PRPSAP1: variants seen among roughly 807,000 people sequenced by gnomAD.
The protein encoded by PRPSAP1 is phosphoribosyl pyrophosphate synthetase associated protein 1, also known as phosphoribosyl pyrophosphate synthase-associated protein 1.
A neutral mutation model predicts 39.4 loss-of-function variants in PRPSAP1; 31 were observed. The ratio of observed to expected loss-of-function variants is 0.79; its 90% CI spans 0.59 to 1.06. The LOEUF (loss-of-function observed/expected upper bound fraction) is 1.06, where lower values mean the gene tolerates loss of function less well. Among genes scored for constraint, PRPSAP1 ranks in the 50% least tolerant of loss-of-function variants. The pLI is 0.00. For missense variants in PRPSAP1, 430 were observed against 511.6 expected, an observed-to-expected ratio of 0.84 and a Z score of 1.54; for synonymous variants, 212 against 192.6, an observed-to-expected ratio of 1.10 and a Z score of -0.83.
In PRPSAP1 at chr17:76,319,657, C is replaced by CG. The variant is rs756366460; in HGVS notation, c.782-5767dup. Reference sequence around the variant, plus strand: ...CTAATTTTTGTAATTTTAGTAGAGACGGGGTTTCACCGTGTTGGCCAGGCT... The same window carrying CG: ...CTAATTTTTGTAATTTTAGTAGAGACGGGGGTTTCACCGTGTTGGCCAGGCT... On this transcript the variant is annotated intron_variant, in intron 7 of 9. Transcript: ENST00000446526. Among the ~76,000 whole-genome samples, 4 of 151,856 alleles carry CG rather than the reference C, an allele frequency of 2.6e-5. No homozygotes were observed. The East Asian group carries it at 7.9e-4, about 30-fold the overall frequency.
chr17:76,334,227 C>T (rs1024443786), intron 3 of PRPSAP1, among the ~76,000 whole-genome samples: 4 of 152,212 alleles, frequency 2.6e-5, no homozygotes, highest in East Asian at 3.8e-4. Flanking sequence ...CCCTTCCCCA[C>T]GTCATCAGTT....
At position 76,320,121 on chromosome 17, in the gene PRPSAP1, T is replaced by G. The variant is rs1056558832; in HGVS notation, c.782-6230A>C. On this transcript the variant is annotated intron_variant, in intron 7 of 9. Coordinates refer to ENST00000446526, the MANE Select transcript of PRPSAP1 (RefSeq NM_002766.3). ...CCTGTCTCTACTAAAAAAGCAAAAA[T>G]TAGCCGGGTGTGGTGGTGCATGCCT... Among the ~76,000 whole-genome samples the G allele has an allele frequency of 5.9e-5, 9 of 151,594 alleles. No individual in the cohort carries two copies. The East Asian group carries it at 1.7e-3, about 29-fold the overall frequency.
chr17:76,348,472 C>A, intron 2 of PRPSAP1, 57 bp downstream of exon 2: 1 of 1,176,236 alleles, frequency 8.5e-7, no homozygotes. Flanking sequence ...GGCTCTGTCT[C>A]AAAAAAACTA....
intron 6 of PRPSAP1, 134 bp downstream of exon 6, chr17:76,329,909 C>G: frequency 1.3e-6 from 1 of 747,866 alleles, no homozygotes; most frequent in Non-Finnish European, 2.3e-6. Context: ...TGGGACATGA[C>G]AACGATGGAG....
At chr17:76,332,959 C>A (rs1041587409) in intron 3 of PRPSAP1, among the ~76,000 whole-genome samples, 1 of 151,012 alleles carries the variant, frequency 6.6e-6, no homozygotes, top group Non-Finnish European at 1.5e-5. Context: ...GGCGCGATCT[C>A]AGCTCACTGC....
intron 3 of PRPSAP1, among the ~76,000 whole-genome samples, chr17:76,341,055 A>G (rs1346774484): frequency 6.6e-6 from 1 of 151,964 alleles, no homozygotes. Context: ...TGACTCATAG[A>G]TGATCCCTAA....
At chr17:76,324,388 C>G (rs560857130) in intron 7 of PRPSAP1, among the ~76,000 whole-genome samples, 9 of 151,642 alleles carry the variant, frequency 5.9e-5, no homozygotes, top group Non-Finnish European at 1.3e-4. Flanking sequence ...CATCTGAGGT[C>G]AGGAGTTCCA....
rs4789279 is a variant in PRPSAP1 at position 76,327,806 on chromosome 17, G to A, written c.781+911C>T. On this transcript the variant is annotated intron_variant, in intron 7 of 9. Coordinates refer to ENST00000446526, the MANE Select transcript of PRPSAP1 (RefSeq NM_002766.3). ...ACTGAAGCTAAAATTATCAAACACC[G>A]TCTGAATGCTGAGTGCTACGCAGAA... Among the ~76,000 whole-genome samples, 397 of 152,198 alleles carry A rather than the reference G, an allele frequency of 2.6e-3. 12 individuals are homozygous for A. Among genetic ancestry groups the A allele is most frequent in the Admixed American group, 0.024 (359 of 15,272 alleles).
At chr17:76,328,565 C>T (rs977634933) in intron 7 of PRPSAP1, 152 bp downstream of exon 7, 16 of 978,928 alleles carry the variant, frequency 1.6e-5, no homozygotes, top group Non-Finnish European at 2.2e-5. Context: ...GCCAAGATCA[C>T]GCCACTGCAC....
At chr17:76,343,725 C>T (rs1277404161) in intron 3 of PRPSAP1, among the ~76,000 whole-genome samples, 2 of 152,004 alleles carry the variant, frequency 1.3e-5, no homozygotes, top group African/African-American at 2.4e-5. Flanking sequence ...ATCCCACCTA[C>T]TAGGGAGGCT....
chr17:76,322,420 A>T lies in PRPSAP1; in HGVS notation c.781+6297T>A, dbSNP rs140143971. The stretch of plus-strand genomic sequence containing the variant: ...CAAAAAAATATATTTATCAAACAAC[A>T]GTCTTTCGACAGCTCTGATGGAGAT... On this transcript the variant is annotated intron_variant, in intron 7 of 9. Transcript: ENST00000446526. Among the ~76,000 whole-genome samples the T allele has an allele frequency of 2.0e-5, 3 of 152,230 alleles. No individual in the cohort carries two copies. The East Asian group carries it at 5.8e-4, about 29-fold the overall frequency.
intron 1 of PRPSAP1, among the ~76,000 whole-genome samples, chr17:76,350,994 T>C (rs927653366): frequency 5.9e-5 from 9 of 152,042 alleles, no homozygotes; most frequent in Non-Finnish European, 1.2e-4. Flanking sequence ...ATGGCTCTAT[T>C]GCACTCCAGC....
Position 76,353,696 on chromosome 17 carries a change from T to G in PRPSAP1, c.8A>C (p.Lys3Thr). The stretch of plus-strand genomic sequence containing the variant: ...GGGCGGGGGCAACAGCAGCAGCTTC[T>G]TGGGCATCGTCCGGCCCGCGGCGCG... MP[K>T]KLLLLPPPSA... The change falls in exon 1 of 10, where the codon AAG becomes ACG. Residue 3 changes from lysine to threonine, a missense_variant. By Grantham distance (78) the Lys-to-Thr change is moderately conservative. Transcript: ENST00000446526. 6.7e-7 allele frequency: 1 copy of G among 1,483,344 alleles called. No homozygotes were observed. Among genetic ancestry groups the G allele is most frequent in the Non-Finnish European group, 8.9e-7 (1 of 1,122,922 alleles). 91.9% of individuals were successfully genotyped at this position (1,483,344 alleles called of 1,614,324 possible).
intron 3 of PRPSAP1, among the ~76,000 whole-genome samples, chr17:76,341,659 G>T (rs1002945386): frequency 6.6e-6 from 1 of 152,226 alleles, no homozygotes; most frequent in African/African-American, 2.4e-5. Flanking sequence ...GACCCCAATG[G>T]CTGGGCACCG....
chr17:76,336,380 G>T (rs1356179887), intron 3 of PRPSAP1, among the ~76,000 whole-genome samples: 24 of 150,260 alleles, frequency 1.6e-4, no homozygotes, highest in South Asian at 2.1e-4. Context: ...AGAGGTTGTA[G>T]TGAGCCGACA....
chr17:76,348,686 C>T lies in PRPSAP1; in HGVS notation c.171-105G>A, dbSNP rs113247899. On this transcript the variant is annotated intron_variant, in intron 1 of 9. Coordinates refer to ENST00000446526, the MANE Select transcript of PRPSAP1 (RefSeq NM_002766.3). The stretch of plus-strand genomic sequence containing the variant: ...TAAAAAGACTCAAATAATTAAGCTG[C>T]CATTCTTTCCAAAAAATAATTCAGA... 3,889 of 811,064 alleles carry T rather than the reference C, an allele frequency of 4.8e-3. 112 individuals carry two copies. The African/African-American group carries it at 0.066, about 14-fold the overall frequency. The allele number at this position is 811,064 out of a possible 1,614,324, so 50.2% of individuals were successfully genotyped here.
intron 7 of PRPSAP1, chr17:76,319,322 G>A (rs2071160930): frequency 6.6e-6 from 1 of 152,100 alleles, no homozygotes; most frequent in African/African-American, 2.4e-5. Flanking sequence ...GTGACGTGTG[G>A]TAACTGAGCA....
At chr17:76,318,218 G>A (rs1429791114) in intron 7 of PRPSAP1, among the ~76,000 whole-genome samples, 1 of 152,168 alleles carries the variant, frequency 6.6e-6, no homozygotes, top group Non-Finnish European at 1.5e-5. Flanking sequence ...TAGAGGCCAA[G>A]GTGGGTGGAT....
intron 7 of PRPSAP1, among the ~76,000 whole-genome samples, chr17:76,316,192 G>A (rs72858172): frequency 0.037 from 4,583 of 123,446 alleles, 182 homozygotes; most frequent in African/African-American, 0.11. Flanking sequence ...AAAAAAAAAA[G>A]AAAAAAAAAA....
Sources: allele counts gnomAD v4.1 joint callset (sites outside exome capture counted in the v4.1 genomes callset), GRCh38; gene constraint gnomAD v4.1.1; transcripts MANE v1.5; gene names NCBI Gene and HGNC (gene_info 2026-07-23, HGNC 2026-07-21).